The following CELF2 variants were observed in gnomAD, a reference collection of about 807,000 sequenced individuals.
CELF2 encodes CUGBP Elav-like family member 2.
CELF2 carries 8 observed loss-of-function variants against 62.6 expected under a neutral mutation model. That is an observed-to-expected ratio of 0.13 (90% CI 0.07 to 0.23). The LOEUF (loss-of-function observed/expected upper bound fraction) is 0.23, where lower values mean the gene tolerates loss of function less well. CELF2 is among the 10% of genes least tolerant of loss of function. The probability of loss-of-function intolerance (pLI) is 1.00; values close to 1 mark genes in which losing one functional copy is unlikely to be tolerated. For missense variants in CELF2, 333 were observed against 671.0 expected, an observed-to-expected ratio of 0.50 and a Z score of 5.56; for synonymous variants, 258 against 250.0, an observed-to-expected ratio of 1.03 and a Z score of -0.30.
At chr10:10,719,730 T>C in the CELF2 span, among the ~76,000 whole-genome samples, 4 of 152,330 alleles carry the variant, frequency 2.6e-5, no homozygotes, top group African/African-American at 9.6e-5. Flanking sequence ...CCTCATCTAA[T>C]CTGTAGAGTA....
At chr10:10,543,210 G>C in the CELF2 span, among the ~76,000 whole-genome samples, 54 of 152,278 alleles carry the variant, frequency 3.5e-4, no homozygotes, top group African/African-American at 1.3e-3. Context: ...GAAATGGTTG[G>C]TCTCATTCCT....
chr10:11,183,020 T>A (rs1443584445), intron 2 of CELF2, among the ~76,000 whole-genome samples: 1 of 152,190 alleles, frequency 6.6e-6, no homozygotes, highest in African/African-American at 2.4e-5. Context: ...AAGTATAAAA[T>A]TTGATACATC....
chr10:11,265,030 T>G (rs1216386808), intron 5 of CELF2, among the ~76,000 whole-genome samples: 1 of 152,228 alleles, frequency 6.6e-6, no homozygotes, highest in Non-Finnish European at 1.5e-5. Context: ...CTGGATGTCG[T>G]TGTGCTTTGA....
upstream of CELF2, chr10:11,005,305 G>A: frequency 6.3e-7 from 1 of 1,597,378 alleles, no homozygotes; most frequent in Non-Finnish European, 8.6e-7. This position sits in a 1 kb window ranked among gnomAD's most constrained non-coding sequence, Gnocchi z 4.3. Context: ...GGAGGAGAGG[G>A]CGCGTTAGTG....
the CELF2 span, among the ~76,000 whole-genome samples, chr10:10,785,730 G>T: frequency 6.6e-6 from 1 of 152,130 alleles, no homozygotes; most frequent in African/African-American, 2.4e-5. Flanking sequence ...TGGGAGGGAT[G>T]GGGGAAGAAA....
At chr10:10,484,620 G>T in the CELF2 span, among the ~76,000 whole-genome samples, 7 of 151,688 alleles carry the variant, frequency 4.6e-5, no homozygotes, top group Non-Finnish European at 8.8e-5. Context: ...CCCTGCCAGA[G>T]AGCTTTTCAA....
chr10:10,732,626 C>T, the CELF2 span, among the ~76,000 whole-genome samples: 16 of 151,224 alleles, frequency 1.1e-4, no homozygotes, highest in South Asian at 1.5e-3. Context: ...CGGGTTCAAG[C>T]GCTTCTCCTG....
chr10:10,962,359 G>A (rs922583395), intron 2 of CELF2, among the ~76,000 whole-genome samples: 1 of 152,220 alleles, frequency 6.6e-6, no homozygotes. Flanking sequence ...CTTGTTATAG[G>A]ATAAGACCAG....
chr10:11,086,698 A>G (rs1294060331), intron 1 of CELF2, among the ~76,000 whole-genome samples: 1 of 151,042 alleles, frequency 6.6e-6, no homozygotes, highest in East Asian at 2.0e-4. Context: ...CACAGGGCTC[A>G]TTAATCTTGA....
At chr10:11,053,610 T>TTA (rs1480341199) in intron 1 of CELF2, among the ~76,000 whole-genome samples, 2 of 150,580 alleles carry the variant, frequency 1.3e-5, no homozygotes, top group African/African-American at 4.9e-5. Context: ...ACTCTGATAT[T>TTA]TCTTTTTTTT....
chr10:11,033,218 C>T (rs903494786), intron 1 of CELF2, among the ~76,000 whole-genome samples: 3 of 149,964 alleles, frequency 2.0e-5, no homozygotes, highest in Non-Finnish European at 4.4e-5. Flanking sequence ...CTCATGAATT[C>T]TTTCTGTGAA....
intron 2 of CELF2, among the ~76,000 whole-genome samples, chr10:10,933,074 T>C (rs777666277): frequency 1.2e-4 from 18 of 151,544 alleles, no homozygotes; most frequent in Admixed American, 6.6e-4. Context: ...GCAGGAGGAA[T>C]GCTTGAGCCC....
intron 1 of CELF2, among the ~76,000 whole-genome samples, chr10:10,906,717 CTTTTTTTTT>C (rs397846553): frequency 1.8e-5 from 2 of 109,284 alleles, no homozygotes; most frequent in Non-Finnish European, 3.4e-5. Context: ...TTTTTCTTTT[CTTTTTTTTT>C]TTTTTTTTTT....
At chr10:10,924,835 G>C (rs898440194) in intron 2 of CELF2, among the ~76,000 whole-genome samples, 1 of 145,426 alleles carries the variant, frequency 6.9e-6, no homozygotes, top group African/African-American at 2.6e-5. Context: ...TAGGATTACT[G>C]TCTGAGAGCC....
the CELF2 span, among the ~76,000 whole-genome samples, chr10:10,505,672 C>T: frequency 6.6e-6 from 1 of 152,150 alleles, no homozygotes; most frequent in Non-Finnish European, 1.5e-5. Context: ...CTAGGTTCCC[C>T]ACTCAGCCTC....
the CELF2 span, among the ~76,000 whole-genome samples, chr10:10,586,328 A>T: frequency 1.3e-5 from 2 of 152,048 alleles, no homozygotes; most frequent in Non-Finnish European, 2.9e-5. Context: ...GCCATGTTTG[A>T]CCCTCTAGGA....
the CELF2 span, among the ~76,000 whole-genome samples, chr10:10,644,204 G>A: frequency 1.3e-5 from 2 of 152,328 alleles, no homozygotes; most frequent in Non-Finnish European, 1.5e-5. Flanking sequence ...CTGGTGAACA[G>A]TGGGTGAAAT....
chr10:11,310,833 G>T (rs1351068996), intron 9 of CELF2, among the ~76,000 whole-genome samples: 1 of 150,700 alleles, frequency 6.6e-6, no homozygotes, highest in Non-Finnish European at 1.5e-5. Flanking sequence ...ACCCTAAAAT[G>T]TATAGTAAGA....
In CELF2 at chr10:10,991,889, C is replaced by A. The variant is rs545044021; in HGVS notation, c.89+71890C>A. Among the ~76,000 whole-genome samples, 66 of 152,314 alleles carry A rather than the reference C, an allele frequency of 4.3e-4. 1 individual carries two copies. The highest frequency in any genetic ancestry group is 1.2e-3 in the Admixed American group (18 of 15,288). On this transcript the variant is annotated intron_variant, in intron 2 of 13. Coordinates refer to the CELF2 transcript ENST00000636488. ...CCATCCTACACTCATCTATCAGTTT[C>A]TCCTTCCTAAAACACCCCTGTGCCA...
Sources: allele counts gnomAD v4.1 joint callset (sites outside exome capture counted in the v4.1 genomes callset), GRCh38; gene constraint gnomAD v4.1.1; non-coding constraint Gnocchi (gnomAD v3.1); transcripts MANE v1.5; gene names NCBI Gene and HGNC (gene_info 2026-07-23, HGNC 2026-07-21).